The following SVIL variants were observed in gnomAD, a reference collection of about 807,000 sequenced individuals.
SVIL encodes supervillin, also known as archvillin.
Under a neutral mutation model 240.4 loss-of-function variants are expected in SVIL, and 101 were observed. The observed-to-expected ratio is 0.42, with a 90% CI of 0.36 to 0.50. The LOEUF (loss-of-function observed/expected upper bound fraction) is 0.50. Among genes scored for constraint, SVIL ranks in the 20% least tolerant of loss-of-function variants. SVIL has a pLI of 0.01. For missense variants in SVIL, 2,512 were observed against 2,818.7 expected (o/e 0.89, Z 2.46); for synonymous variants, 999 against 1,100.0 (o/e 0.91, Z 1.82).
At chr10:29,714,527 A>T (rs1286620165) in intron 1 of SVIL, among the ~76,000 whole-genome samples, 1 of 152,214 alleles carries the variant, frequency 6.6e-6, no homozygotes, top group Non-Finnish European at 1.5e-5. Context: ...ATTCAGTGTT[A>T]CTAAAGCACA....
intron 2 of SVIL, among the ~76,000 whole-genome samples, chr10:29,672,019 G>A (rs947069736): frequency 2.0e-5 from 3 of 152,130 alleles, no homozygotes; most frequent in African/African-American, 7.2e-5. Flanking sequence ...AATCCCAGTA[G>A]TCGCTGACCC....
intron 13 of SVIL, among the ~76,000 whole-genome samples, chr10:29,525,558 G>A (rs568304373): frequency 2.0e-4 from 31 of 152,172 alleles, no homozygotes; most frequent in Non-Finnish European, 4.3e-4. Flanking sequence ...AGGCTGCAGT[G>A]TGCAGTGATG....
Position 29,530,524 on chromosome 10 carries a change from G to A in SVIL, c.2106+83C>T, listed in dbSNP as rs1418994242. 14 of 1,504,806 alleles carry A rather than the reference G, an allele frequency of 9.3e-6. No homozygotes were observed. The South Asian group carries it at 1.4e-4, about 15-fold the overall frequency. The allele number at this position is 1,504,806 out of a possible 1,614,324, so 93.2% of individuals were successfully genotyped here. A position where few individuals can be genotyped will look rare whatever the true frequency, so the allele number is the denominator to read the frequency against. On this transcript the variant is annotated intron_variant, in intron 11 of 37. Coordinates refer to ENST00000355867, the MANE Select transcript of SVIL (RefSeq NM_021738.3). The stretch of plus-strand genomic sequence containing the variant: ...TGGTCTCAAACTCCTGGCCTCAAGT[G>A]ATTCTCCTGCCTTGGCCTCTCAAAT...
At chr10:29,518,391 AAAATAAAC>A (rs1449136783) in intron 16 of SVIL, among the ~76,000 whole-genome samples, 1 of 152,152 alleles carries the variant, frequency 6.6e-6, no homozygotes, top group Non-Finnish European at 1.5e-5. Context: ...CTTGTCTCAG[AAAATAAAC>A]AAATAAATAA....
At chr10:29,467,591 G>GC in intron 33 of SVIL, 151 bp downstream of exon 33, 8 of 972,450 alleles carry the variant, frequency 8.2e-6, no homozygotes, top group Non-Finnish European at 1.2e-5. Flanking sequence ...ACTTTGAGAG[G>GC]CTGAGGCAGG....
intron 17 of SVIL, among the ~76,000 whole-genome samples, chr10:29,502,419 T>G (rs1167486110): frequency 6.6e-6 from 1 of 152,254 alleles, no homozygotes; most frequent in East Asian, 1.9e-4. Flanking sequence ...GTTTTTTTCC[T>G]TCTAAATTTT....
At chr10:29,506,422 G>T (rs1949278557) in intron 17 of SVIL, among the ~76,000 whole-genome samples, 1 of 152,008 alleles carries the variant, frequency 6.6e-6, no homozygotes, top group Non-Finnish European at 1.5e-5. Flanking sequence ...AAGAAGTGGG[G>T]AGTTTCCATC....
chr10:29,703,327 C>T (rs1279600878), intron 1 of SVIL, among the ~76,000 whole-genome samples: 1 of 152,138 alleles, frequency 6.6e-6, no homozygotes, highest in Admixed American at 6.5e-5. Flanking sequence ...CTGCGCTTCC[C>T]CTTCCCCAGA....
chr10:29,626,825 C>T lies in SVIL; in HGVS notation c.-201+7595G>A, dbSNP rs368164821. Among the ~76,000 whole-genome samples the T allele has an allele frequency of 2.9e-3, 447 of 152,114 alleles. 5 individuals carry two copies. The highest frequency in any genetic ancestry group is 0.01 in the African/African-American group (428 of 41,496). ...GGATCACGAGGTCAGGAGATCAAGA[C>T]CATCCTGGCTAATACGGTGAAACCC... On this transcript the variant is annotated intron_variant, in intron 1 of 37. Transcript: ENST00000355867.
At chr10:29,496,094 T>C (rs1444446970) in intron 18 of SVIL, among the ~76,000 whole-genome samples, 2 of 152,166 alleles carry the variant, frequency 1.3e-5, no homozygotes, top group Non-Finnish European at 2.9e-5. Context: ...CAAATCACTA[T>C]CACAAGGAAA....
chr10:29,554,727 A>G, intron 5 of SVIL, 56 bp downstream of exon 5: 1 of 1,463,640 alleles, frequency 6.8e-7, no homozygotes. Context: ...GGAAAGGGCA[A>G]CTCGTAACCA....
At chr10:29,514,389 A>G (rs1662575367) in intron 16 of SVIL, among the ~76,000 whole-genome samples, 1 of 152,108 alleles carries the variant, frequency 6.6e-6, no homozygotes, top group African/African-American at 2.4e-5. Context: ...GGTGTGCATC[A>G]CTGCGCCTGG....
At position 29,554,816 on chromosome 10, in the gene SVIL, T is replaced by C. The variant is rs1564631828; in HGVS notation, c.127A>G (p.Met43Val). The C allele has an allele frequency of 6.2e-7, 1 of 1,611,958 alleles. No individual in the cohort carries two copies. The highest frequency in any genetic ancestry group is 2.2e-5 in the East Asian group (1 of 44,838). Residue 43 changes from methionine (M) to valine (V), a missense_variant, in exon 5 of 38, where the codon ATG becomes GTG. Around this residue, in one of 3 missense-constraint regions of SVIL, gnomAD observed 1,443 missense variants for 1,486.6 expected, o/e 0.97. Coordinates refer to ENST00000355867, the MANE Select transcript of SVIL (RefSeq NM_021738.3). ...GGGCTGGCAGGGTCGCTGGCTCTCA[T>C]GTATCGAGGGGTGTCTTCCTCCAGC... ...RLLEEDTPRYMRASDPASPHI... is the reference protein window; with the variant it reads ...RLLEEDTPRYVRASDPASPHI...
intron 1 of SVIL, among the ~76,000 whole-genome samples, chr10:29,707,504 T>A (rs7893139): frequency 0.35 from 53,854 of 151,950 alleles, 9,731 homozygotes; most frequent in Admixed American, 0.44. Context: ...CCTAAGTAAA[T>A]GTCTCCAAAT....
chr10:29,480,417 G>T, intron 29 of SVIL, 120 bp downstream of exon 29: 2 of 1,277,864 alleles, frequency 1.6e-6, no homozygotes, highest in Non-Finnish European at 2.2e-6. Context: ...GCGCATGACT[G>T]CAGTGCCCCA....
At chr10:29,592,482 A>G (rs1399754262) in intron 1 of SVIL, among the ~76,000 whole-genome samples, 1 of 152,110 alleles carries the variant, frequency 6.6e-6, no homozygotes, top group Non-Finnish European at 1.5e-5. Flanking sequence ...TTCAAATTCT[A>G]CCTAAGTCGC....
intron 22 of SVIL, 27 bp from the exon 23 acceptor site, chr10:29,488,783 A>G (rs1947676444): frequency 1.2e-6 from 2 of 1,600,290 alleles, no homozygotes; most frequent in Non-Finnish European, 1.7e-6. Context: ...AGGAAACACA[A>G]CGCAGGAGGT....
intron 17 of SVIL, among the ~76,000 whole-genome samples, chr10:29,499,612 C>A (rs12359308): frequency 0.15 from 23,144 of 151,908 alleles, 1,905 homozygotes; most frequent in East Asian, 0.32. Flanking sequence ...TCTGTCTTAA[C>A]CCATCTAGTT....
intron 16 of SVIL, among the ~76,000 whole-genome samples, chr10:29,516,182 G>A (rs900481409): frequency 1.2e-4 from 19 of 152,272 alleles, no homozygotes; most frequent in African/African-American, 4.6e-4. Context: ...ACCATGGGAT[G>A]GCCTCCAAAG....
Sources: allele counts gnomAD v4.1 joint callset (sites outside exome capture counted in the v4.1 genomes callset), GRCh38; gene constraint gnomAD v4.1.1; regional missense constraint gnomAD v4.1.1; transcripts MANE v1.5; gene names NCBI Gene and HGNC (gene_info 2026-07-23, HGNC 2026-07-21).